NDE1: variants seen among roughly 807,000 people sequenced by gnomAD.
NDE1 encodes nuclear distribution protein nudE homolog 1.
A neutral mutation model predicts 43.4 loss-of-function variants in NDE1; 28 were observed. The ratio of observed to expected loss-of-function variants is 0.65; its 90% CI spans 0.48 to 0.89. The LOEUF is 0.89. Ranked by LOEUF, NDE1 falls within the 40% of genes least tolerant of loss-of-function variation. NDE1 has a pLI of 0.00. For synonymous variants in NDE1, 184 were observed against 172.0 expected, an observed-to-expected ratio of 1.07 and a Z score of -0.55; for missense variants, 441 against 434.1, an observed-to-expected ratio of 1.02 and a Z score of -0.14.
At chr16:15,710,101 T>C (rs185147717) in intron 8 of NDE1, among the ~76,000 whole-genome samples, 39 of 152,338 alleles carry the variant, frequency 2.6e-4, no homozygotes, top group African/African-American at 8.9e-4. Flanking sequence ...ACCTTCCACC[T>C]GCATTATGTG....
intron 4 of NDE1, among the ~76,000 whole-genome samples, chr16:15,680,640 A>T (rs994225836): frequency 3.9e-5 from 6 of 152,058 alleles, no homozygotes; most frequent in African/African-American, 1.5e-4. Flanking sequence ...TCCTGCTTCA[A>T]GTGATTCTCC....
intron 5 of NDE1, among the ~76,000 whole-genome samples, chr16:15,690,310 T>C (rs914713633): frequency 2.0e-5 from 3 of 149,992 alleles, no homozygotes; most frequent in Admixed American, 6.7e-5. Context: ...AGTGCTGGGA[T>C]TATAGGCTTG....
intron 1 of NDE1, among the ~76,000 whole-genome samples, chr16:15,653,367 C>T (rs140039304): frequency 6.6e-6 from 1 of 152,182 alleles, no homozygotes; most frequent in Non-Finnish European, 1.5e-5. Context: ...CTTGCTGACT[C>T]TTGACTGATG....
rs771330136 is a variant in NDE1 at position 15,724,756 on chromosome 16, G to A, written c.*505G>A. 12 of 1,614,130 alleles carry A rather than the reference G, an allele frequency of 7.4e-6. No homozygotes were observed. In the South Asian group the frequency reaches 7.7e-5, roughly 10 times the overall value. ...CTCCTCCTCCAGCTGGCGCAGCTTC[G>A]TAGACACGTTGAGCTTCTGCCGGGT... On this transcript the variant is annotated 3_prime_UTR_variant, in exon 9 of 9. Transcript: ENST00000396354.
At chr16:15,724,048 A>C in intron 8 of NDE1, 143 bp from the exon 9 acceptor site, 1 of 1,561,836 alleles carries the variant, frequency 6.4e-7, no homozygotes, top group East Asian at 2.3e-5. Flanking sequence ...ATGGCTCCCC[A>C]CAGAGTGGAG....
At chr16:15,690,353 CTT>C (rs869069843) in intron 5 of NDE1, among the ~76,000 whole-genome samples, 40 of 80,986 alleles carry the variant, frequency 4.9e-4, no homozygotes, top group Admixed American at 7.7e-4. Flanking sequence ...TTTTTTTTTT[CTT>C]TTTTTTTTTT....
At chr16:15,718,507 G>A (rs899580218) in intron 8 of NDE1, 14 of 1,529,784 alleles carry the variant, frequency 9.2e-6, no homozygotes, top group Non-Finnish European at 1.2e-5. Flanking sequence ...CCTCCTTGGA[G>A]TCATGCCTCA....
At chr16:15,665,655 G>A (rs1437153094) in intron 2 of NDE1, among the ~76,000 whole-genome samples, 1 of 151,868 alleles carries the variant, frequency 6.6e-6, no homozygotes, top group African/African-American at 2.4e-5. Context: ...ATGCTGGTCA[G>A]GCTGGTCTTG....
At chr16:15,654,668 G>T (rs1380143408) in intron 1 of NDE1, among the ~76,000 whole-genome samples, 4 of 146,992 alleles carry the variant, frequency 2.7e-5, no homozygotes, top group African/African-American at 1.0e-4. Flanking sequence ...AATCTGATCT[G>T]CAGTCAGTCA....
chr16:15,705,405 G>A (rs74009407), intron 8 of NDE1, among the ~76,000 whole-genome samples: 3 of 152,226 alleles, frequency 2.0e-5, no homozygotes, highest in South Asian at 2.1e-4. Context: ...GGCTGGTCAC[G>A]TGAGGGGAGA....
At chr16:15,695,017 C>A (rs1363240877) in intron 7 of NDE1, 7 of 669,162 alleles carry the variant, frequency 1.0e-5, no homozygotes, top group Non-Finnish European at 1.3e-5. Flanking sequence ...GACTTGGCCT[C>A]TACAAGAATG....
At chr16:15,702,711 C>T (rs11647544) in intron 8 of NDE1, among the ~76,000 whole-genome samples, 64,596 of 151,920 alleles carry the variant, frequency 0.43, 15,389 homozygotes, top group Middle Eastern at 0.57. Flanking sequence ...CAGCCACCAT[C>T]TGACGTTTTG....
chr16:15,675,968 C>T (rs1195423221), intron 3 of NDE1, among the ~76,000 whole-genome samples: 1 of 152,114 alleles, frequency 6.6e-6, no homozygotes, highest in Non-Finnish European at 1.5e-5. Flanking sequence ...AATGAGACAA[C>T]ATAGGTGGTG....
intron 8 of NDE1, chr16:15,719,123 G>A (rs750248460): frequency 3.2e-6 from 4 of 1,244,886 alleles, no homozygotes; most frequent in Non-Finnish European, 4.6e-6. Flanking sequence ...ATGAAACTCT[G>A]TCTCGAAAAA....
chr16:15,675,787 G>A lies in NDE1; in HGVS notation c.238-2014G>A, dbSNP rs577503994. Among the ~76,000 whole-genome samples the A allele has an allele frequency of 1.1e-4, 17 of 152,228 alleles. 1 individual carries two copies. The highest frequency in any genetic ancestry group is 3.4e-4 in the African/African-American group (14 of 41,534). On this transcript the variant is annotated intron_variant, in intron 3 of 8. Transcript: ENST00000396354. ...AGCCGGAACAGAATCAAGAGAGCTC[G>A]GGAGTGGGCAGGTGATCTGGATTGA...
At chr16:15,723,597 G>T (rs1220642137) in intron 8 of NDE1, among the ~76,000 whole-genome samples, 1 of 152,190 alleles carries the variant, frequency 6.6e-6, no homozygotes, top group Non-Finnish European at 1.5e-5. Flanking sequence ...GGGGAGCTGA[G>T]ATCACACCAC....
At chr16:15,659,168 C>T (rs1004218407) in intron 1 of NDE1, among the ~76,000 whole-genome samples, 1 of 151,994 alleles carries the variant, frequency 6.6e-6, no homozygotes, top group Non-Finnish European at 1.5e-5. Context: ...TTGTGCATTT[C>T]CTGGTTCTGC....
intron 5 of NDE1, among the ~76,000 whole-genome samples, chr16:15,690,860 T>TGCGCTGGAGC (rs2038714111): frequency 6.6e-6 from 1 of 152,106 alleles, no homozygotes; most frequent in African/African-American, 2.4e-5. Flanking sequence ...CAGACTGGAG[T>TGCGCTGGAGC]GCGCTGGAGC....
In NDE1 at chr16:15,691,262, C is replaced by G. The variant is rs751891847; in HGVS notation, c.642C>G (p.Ser214=). The G allele has an allele frequency of 1.2e-6, 2 of 1,614,158 alleles. No homozygotes were observed. The highest frequency in any genetic ancestry group is 1.1e-5 in the South Asian group (1 of 91,072). ...TAVQATGSVP[S]TPIAHRGPSS... ...TGCAGGCCACGGGCTCCGTGCCGTC[C>G]ACGCCCATTGCTCACCGAGGACCCA... The change falls in exon 6 of 9, where the codon TCC becomes TCG. Residue 214 remains serine (S), a synonymous_variant. Coordinates refer to ENST00000396354, the MANE Select transcript of NDE1 (RefSeq NM_017668.3).
Sources: gnomAD v4.1 joint callset for allele counts (sites outside exome capture counted in the v4.1 genomes callset) on GRCh38, gnomAD v4.1.1 for gene constraint, MANE v1.5 for transcripts, NCBI Gene and HGNC (gene_info 2026-07-23, HGNC 2026-07-21) for gene names.